The following CLTCL1 variants were observed in gnomAD, a reference collection of about 807,000 sequenced individuals.
CLTCL1 encodes clathrin heavy chain 2.
In CLTCL1, 159 loss-of-function variants were observed where a neutral mutation model predicts 190.0. The observed-to-expected ratio is 0.84, with a 90% CI of 0.74 to 0.95. The LOEUF (loss-of-function observed/expected upper bound fraction) is 0.95. CLTCL1 is among the 40% of genes least tolerant of loss of function. CLTCL1 has a pLI of 0.00. For synonymous variants in CLTCL1, 752 were observed against 769.6 expected, an observed-to-expected ratio of 0.98 and a Z score of 0.38; for missense variants, 1,878 against 2,033.4, an observed-to-expected ratio of 0.92 and a Z score of 1.47.
chr22:19,182,952 C>T (rs1486848448), intron 30 of CLTCL1: 8 of 231,714 alleles, frequency 3.5e-5, no homozygotes, highest in Non-Finnish European at 5.2e-5. Flanking sequence ...TGTGAATACT[C>T]CTACTATGTG....
chr22:19,264,082 G>C (rs1555976830), intron 2 of CLTCL1, among the ~76,000 whole-genome samples: 1 of 152,046 alleles, frequency 6.6e-6, no homozygotes, highest in Non-Finnish European at 1.5e-5. Flanking sequence ...ATCATGTGAG[G>C]CCAAGAGTTT....
intron 3 of CLTCL1, among the ~76,000 whole-genome samples, chr22:19,246,223 C>T (rs1437931014): frequency 2.0e-5 from 3 of 151,806 alleles, no homozygotes; most frequent in African/African-American, 7.3e-5. Context: ...CCATGCCCGG[C>T]TAGTTTTTTT....
At chr22:19,214,220 G>T (rs1179610210) in intron 19 of CLTCL1, among the ~76,000 whole-genome samples, 1 of 152,124 alleles carries the variant, frequency 6.6e-6, no homozygotes, top group East Asian at 1.9e-4. Context: ...TCCCAGCAGG[G>T]GCACGTCAGA....
At chr22:19,220,073 ACC>A in intron 17 of CLTCL1, 66 bp from the exon 18 acceptor site, 1 of 1,602,714 alleles carries the variant, frequency 6.2e-7, no homozygotes, top group Non-Finnish European at 8.5e-7. Flanking sequence ...GGGAGGACAC[ACC>A]CCAATTCGTT....
intron 22 of CLTCL1, among the ~76,000 whole-genome samples, chr22:19,204,628 A>T (rs1601509505): frequency 6.6e-6 from 1 of 152,316 alleles, no homozygotes; most frequent in South Asian, 2.1e-4. Context: ...GATGCTTAAT[A>T]AAAGGTGATG....
intron 27 of CLTCL1, 42 bp downstream of exon 27, chr22:19,191,262 T>C (rs1156594550): frequency 1.9e-6 from 3 of 1,611,752 alleles, no homozygotes; most frequent in Admixed American, 1.7e-5. Context: ...TTGTTAGAGC[T>C]AGCCCAATAC....
chr22:19,253,873 C>G (rs1029159373), intron 3 of CLTCL1, 86 bp downstream of exon 3: 6 of 1,500,612 alleles, frequency 4.0e-6, no homozygotes, highest in Non-Finnish European at 5.4e-6. Context: ...GCCCTATAAC[C>G]AACTTCTAAT....
At chr22:19,253,058 A>G (rs1402309114) in intron 3 of CLTCL1, among the ~76,000 whole-genome samples, 1 of 151,762 alleles carries the variant, frequency 6.6e-6, no homozygotes, top group Non-Finnish European at 1.5e-5. Flanking sequence ...TACTGCTTTC[A>G]GTATAATAGA....
At chr22:19,278,844 C>T (rs553917862) in intron 1 of CLTCL1, among the ~76,000 whole-genome samples, 9 of 152,294 alleles carry the variant, frequency 5.9e-5, no homozygotes, top group African/African-American at 2.2e-4. Context: ...CGGGTTCAAG[C>T]GATTCTCCAG....
chr22:19,261,332 G>A (rs966931754), intron 2 of CLTCL1, among the ~76,000 whole-genome samples: 1 of 152,014 alleles, frequency 6.6e-6, no homozygotes, highest in Admixed American at 6.6e-5. Context: ...GGATGGTCTC[G>A]ACCTCCTGAC....
At chr22:19,246,774 T>C (rs2086433568) in intron 3 of CLTCL1, among the ~76,000 whole-genome samples, 1 of 152,218 alleles carries the variant, frequency 6.6e-6, no homozygotes, top group South Asian at 2.1e-4. Flanking sequence ...AAAGTGGTAC[T>C]TCATTGTGGT....
chr22:19,196,173 G>A (rs1420865598), intron 26 of CLTCL1, 93 bp downstream of exon 26: 3 of 1,301,948 alleles, frequency 2.3e-6, no homozygotes, highest in Admixed American at 2.1e-5. Flanking sequence ...GGGCATGCTG[G>A]TACTCATTCC....
At chr22:19,250,320 C>T (rs1308675271) in intron 3 of CLTCL1, among the ~76,000 whole-genome samples, 8 of 149,798 alleles carry the variant, frequency 5.3e-5, no homozygotes, top group Non-Finnish European at 8.9e-5. Context: ...TTTTCTGGGA[C>T]TCATCTGTTC....
chr22:19,234,441 G>T, intron 7 of CLTCL1, 68 bp downstream of exon 7: 2 of 1,336,250 alleles, frequency 1.5e-6, no homozygotes, highest in South Asian at 1.5e-5. Flanking sequence ...ATGCTTTTAT[G>T]ACTTATTTTC....
At chr22:19,265,915 T>C (rs114322300) in intron 2 of CLTCL1, among the ~76,000 whole-genome samples, 1,778 of 152,318 alleles carry the variant, frequency 0.012, 35 homozygotes, top group African/African-American at 0.039. Context: ...CTCTGTTACC[T>C]AGGCTGGAGT....
At chr22:19,227,024 C>T (rs2085767847) in intron 11 of CLTCL1, among the ~76,000 whole-genome samples, 1 of 152,030 alleles carries the variant, frequency 6.6e-6, no homozygotes, top group Non-Finnish European at 1.5e-5. Flanking sequence ...AGCCGTGAGC[C>T]ACCGTGCCCA....
rs782690506 is a variant in CLTCL1, at chr22:19,222,048, C to T, written c.2464G>A (p.Val822Met). 3.1e-6 allele frequency: 5 copies of T among 1,613,934 alleles called. No homozygotes were observed. In the South Asian group the frequency reaches 5.5e-5, roughly 18 times the overall value. ...TPAVIGGLLDVDCSEEVIKHL... is the reference protein window; with the variant it reads ...TPAVIGGLLDMDCSEEVIKHL... ...TTAATCACTTCCTCAGAACAATCCA[C>T]ATCAAGCAGCCCTCCAATCACAGCT... is the stretch of plus-strand genomic sequence containing the variant. The change falls in exon 16 of 33, where the codon GTG becomes ATG. Residue 822 changes from valine (V) to methionine (M), a missense_variant. Val to Met is a conservative substitution (Grantham distance 21). Coordinates refer to ENST00000427926, the MANE Select transcript of CLTCL1 (RefSeq NM_007098.4).
intron 17 of CLTCL1, among the ~76,000 whole-genome samples, chr22:19,220,858 T>C (rs1327276147): frequency 1.3e-5 from 2 of 152,172 alleles, no homozygotes; most frequent in Non-Finnish European, 2.9e-5. Flanking sequence ...CCTGGGCAGA[T>C]GCAGGCAAAA....
At chr22:19,201,300 T>A (rs782636654) in intron 23 of CLTCL1, 29 bp downstream of exon 23, 16 of 1,589,176 alleles carry the variant, frequency 1.0e-5, no homozygotes, top group Non-Finnish European at 1.4e-5. Context: ...TCCAGCACAC[T>A]CTGCCGTCTG....
Sources: gnomAD v4.1 joint callset for allele counts (sites outside exome capture counted in the v4.1 genomes callset) on GRCh38, gnomAD v4.1.1 for gene constraint, MANE v1.5 for transcripts, NCBI Gene and HGNC (gene_info 2026-07-23, HGNC 2026-07-21) for gene names.